TBC1D22A: variants seen among roughly 807,000 people sequenced by gnomAD.
The protein encoded by TBC1D22A is TBC1 domain family member 22A.
TBC1D22A carries 38 observed loss-of-function variants against 60.2 expected under a neutral mutation model. That is an observed-to-expected ratio of 0.63 (90% confidence interval 0.49 to 0.83). TBC1D22A has a LOEUF of 0.83. Among genes scored for constraint, TBC1D22A ranks in the 40% least tolerant of loss-of-function variants. The probability of loss-of-function intolerance (pLI) is 0.00; values close to 1 mark genes in which losing one functional copy is unlikely to be tolerated. For missense variants in TBC1D22A, 628 were observed against 701.0 expected (o/e 0.90, Z 1.18); for synonymous variants, 302 against 281.7 (o/e 1.07, Z -0.72).
At chr22:47,144,573 A>T (rs983354832) in intron 12 of TBC1D22A, among the ~76,000 whole-genome samples, 3 of 152,216 alleles carry the variant, frequency 2.0e-5, no homozygotes, top group Non-Finnish European at 4.4e-5. Flanking sequence ...ACATACGCGC[A>T]TGCACTTAGG....
intron 4 of TBC1D22A, among the ~76,000 whole-genome samples, chr22:46,858,287 A>G (rs2087672442): frequency 6.6e-6 from 1 of 152,184 alleles, no homozygotes; most frequent in Non-Finnish European, 1.5e-5. Context: ...AGAAATGCCT[A>G]TTCACATCCT....
chr22:47,004,544 A>G (rs2061518822), intron 10 of TBC1D22A, among the ~76,000 whole-genome samples: 1 of 151,482 alleles, frequency 6.6e-6, no homozygotes, highest in South Asian at 2.1e-4. Flanking sequence ...TGCCATATAC[A>G]CAGGCAGGCT....
intron 4 of TBC1D22A, among the ~76,000 whole-genome samples, chr22:46,847,899 T>C (rs1016049912): frequency 6.6e-6 from 1 of 151,048 alleles, no homozygotes; most frequent in Non-Finnish European, 1.5e-5. Flanking sequence ...CCTAGAGAAA[T>C]AGTCAAGGTA....
At chr22:46,866,741 A>G (rs1251195706) in intron 4 of TBC1D22A, among the ~76,000 whole-genome samples, 6 of 152,260 alleles carry the variant, frequency 3.9e-5, no homozygotes, top group Admixed American at 3.9e-4. Context: ...CACTGACGAC[A>G]GCTGATGAGA....
chr22:46,802,688 T>C (rs1265890976), intron 4 of TBC1D22A, among the ~76,000 whole-genome samples: 1 of 152,174 alleles, frequency 6.6e-6, no homozygotes, highest in Non-Finnish European at 1.5e-5. Flanking sequence ...AGAAAGCGGT[T>C]GCTATTCTGT....
intron 8 of TBC1D22A, among the ~76,000 whole-genome samples, chr22:46,937,924 A>G (rs1345581954): frequency 1.3e-5 from 2 of 152,252 alleles, no homozygotes; most frequent in African/African-American, 2.4e-5. Flanking sequence ...GTACAGCTGT[A>G]CAATGTATCT....
intron 9 of TBC1D22A, among the ~76,000 whole-genome samples, chr22:46,981,486 C>G (rs1480885393): frequency 6.6e-6 from 1 of 152,152 alleles, no homozygotes; most frequent in Non-Finnish European, 1.5e-5. Flanking sequence ...CTCCATAATC[C>G]CCCACATGTC....
chr22:46,773,330 C>T (rs1412071308), intron 1 of TBC1D22A, among the ~76,000 whole-genome samples: 8 of 152,172 alleles, frequency 5.3e-5, no homozygotes, highest in African/African-American at 9.7e-5. Flanking sequence ...CCTGAGGAGT[C>T]GGGGAGCGTG....
At chr22:47,161,653 G>A (rs1209813376) in intron 12 of TBC1D22A, among the ~76,000 whole-genome samples, 5 of 152,202 alleles carry the variant, frequency 3.3e-5, no homozygotes, top group African/African-American at 1.2e-4. Context: ...TGGAGCAAGG[G>A]GCTGAGTGTC....
chr22:46,891,375 A>G lies in TBC1D22A; in HGVS notation c.818A>G (p.His273Arg). ...TACGATTCTAGGAACGACGAAGTTC[A>G]CCAGGACACATACAGGCAGGTGGGA... ...HYYDSRNDEV[H>R]QDTYRQIHID... The change falls in exon 6 of 13, where the codon CAC becomes CGC. Residue 273 changes from histidine to arginine, a missense_variant. Transcript: ENST00000337137. 3 of 1,611,638 alleles carry G rather than the reference A, an allele frequency of 1.9e-6. No homozygotes were observed. Among genetic ancestry groups the G allele is most frequent in the South Asian group, 1.1e-5 (1 of 90,402 alleles).
intron 4 of TBC1D22A, among the ~76,000 whole-genome samples, chr22:46,850,556 G>C (rs578209340): frequency 2.0e-5 from 3 of 152,318 alleles, no homozygotes; most frequent in Admixed American, 1.3e-4. Context: ...GGAGAAATCA[G>C]AACTCTTATA....
At chr22:46,962,058 T>G (rs1176700698) in intron 8 of TBC1D22A, among the ~76,000 whole-genome samples, 1 of 152,214 alleles carries the variant, frequency 6.6e-6, no homozygotes, top group Non-Finnish European at 1.5e-5. Context: ...TCAGCAGGGC[T>G]GACTGTGGCC....
chr22:46,964,758 G>T (rs770607421), intron 8 of TBC1D22A, among the ~76,000 whole-genome samples: 3 of 152,184 alleles, frequency 2.0e-5, no homozygotes, highest in African/African-American at 7.2e-5. Context: ...GAAATGTATC[G>T]GTTCTGGATG....
intron 4 of TBC1D22A, among the ~76,000 whole-genome samples, chr22:46,837,596 C>G (rs2086578092): frequency 6.6e-6 from 1 of 152,086 alleles, no homozygotes; most frequent in South Asian, 2.1e-4. Context: ...AGAAAGTTCA[C>G]AAATACGTGA....
intron 10 of TBC1D22A, among the ~76,000 whole-genome samples, chr22:47,022,997 T>C (rs2062139169): frequency 6.6e-6 from 1 of 152,220 alleles, no homozygotes; most frequent in Non-Finnish European, 1.5e-5. Context: ...TTGTCAGCCA[T>C]GCACAGAAAT....
chr22:46,762,718 G>A lies in TBC1D22A; in HGVS notation c.-69G>A. On this transcript the variant is annotated 5_prime_UTR_variant, in exon 1 of 13. Transcript: ENST00000337137. ...GAGGGGCCACCCGGGGCACAGGAAAGGGCCGCTAGGGGAGGGCCGGGTGCA... is the reference window on the plus strand; with the variant it reads ...GAGGGGCCACCCGGGGCACAGGAAAAGGCCGCTAGGGGAGGGCCGGGTGCA... The A allele has an allele frequency of 3.7e-6, 5 of 1,345,232 alleles. No individual in the cohort carries two copies. Among genetic ancestry groups the A allele is most frequent in the Non-Finnish European group, 3.9e-6 (4 of 1,035,554 alleles). 83.3% of individuals were successfully genotyped at this position (1,345,232 alleles called of 1,614,324 possible). A position where few individuals can be genotyped will look rare whatever the true frequency, so the allele number is the denominator to read the frequency against.
intron 4 of TBC1D22A, among the ~76,000 whole-genome samples, chr22:46,867,421 C>T (rs751391244): frequency 4.6e-5 from 7 of 152,170 alleles, no homozygotes; most frequent in African/African-American, 1.4e-4. Flanking sequence ...GAGACAAAAA[C>T]GATGTCTGAC....
chr22:46,783,429 C>T (rs1243149662), intron 1 of TBC1D22A, among the ~76,000 whole-genome samples: 1 of 152,166 alleles, frequency 6.6e-6, no homozygotes, highest in East Asian at 1.9e-4. Context: ...AGAAGGGGCA[C>T]ACAGGCTGAT....
chr22:46,807,256 T>TTTGATGGTGATTGTGGGGGTGATG (rs1555898054), intron 4 of TBC1D22A, among the ~76,000 whole-genome samples: 1 of 151,400 alleles, frequency 6.6e-6, no homozygotes, highest in African/African-American at 2.4e-5. Context: ...TAGTGTTGAT[T>TTTGATGGTGATTGTGGGGGTGATG]GTGATGGTGA....
Sources: gnomAD v4.1 joint callset for allele counts (sites outside exome capture counted in the v4.1 genomes callset) on GRCh38, gnomAD v4.1.1 for gene constraint, MANE v1.5 for transcripts, NCBI Gene and HGNC (gene_info 2026-07-23, HGNC 2026-07-21) for gene names.